The following ZC3H14 variants were observed in gnomAD, a reference collection of about 807,000 sequenced individuals.
ZC3H14 encodes zinc finger CCCH domain-containing protein 14.
ZC3H14 carries 31 observed loss-of-function variants against 92.4 expected under a neutral mutation model. The ratio of observed to expected loss-of-function variants is 0.34; its 90% confidence interval spans 0.25 to 0.45. ZC3H14 has a LOEUF of 0.45. Ranked by LOEUF, ZC3H14 falls within the 20% of genes least tolerant of loss-of-function variation. ZC3H14 has a pLI of 1.00. For synonymous variants in ZC3H14, 321 were observed against 300.9 expected (o/e 1.07, Z -0.69); for missense variants, 781 against 897.3 (o/e 0.87, Z 1.66).
Position 88,621,044 on chromosome 14 carries a change from G to T in ZC3H14, c.*9293G>T. ...AATTCTGGCAGTTCTTTAAGTACTA[G>T]CAATTTAGAACTTCCAACTTTTCTT... On this transcript the variant is annotated 3_prime_UTR_variant, in exon 17 of 17. Coordinates refer to ENST00000251038, the MANE Select transcript of ZC3H14 (RefSeq NM_024824.5). 6.6e-7 allele frequency: 1 copy of T among 1,505,770 alleles called. No homozygotes were observed. Among genetic ancestry groups the T allele is most frequent in the Non-Finnish European group, 8.9e-7 (1 of 1,126,838 alleles). 93.3% of individuals were successfully genotyped at this position (1,505,770 alleles called of 1,614,324 possible).
At chr14:88,571,189 A>T in intron 4 of ZC3H14, 65 bp downstream of exon 4, 1 of 1,421,728 alleles carries the variant, frequency 7.0e-7, no homozygotes, top group African/African-American at 1.4e-5. Flanking sequence ...TTCTTTCTAA[A>T]GTCATAGTGC....
In ZC3H14 at chr14:88,583,820, A is replaced by G. The variant is rs575100885; in HGVS notation, c.1279+5680A>G. Among the ~76,000 whole-genome samples the G allele has an allele frequency of 2.6e-5, 4 of 152,362 alleles. No homozygotes were observed. In the South Asian group the frequency reaches 6.2e-4, roughly 24 times the overall value. ...GGAATTTTACATTTATTCAGTAGAT[A>G]AAGCTCTACTGTTAACATTATTCAA... On this transcript the variant is annotated intron_variant, in intron 9 of 16. Coordinates refer to ENST00000251038, the MANE Select transcript of ZC3H14 (RefSeq NM_024824.5).
At chr14:88,563,553 G>C in intron 1 of ZC3H14, 98 bp from the exon 2 acceptor site, 1 of 1,588,024 alleles carries the variant, frequency 6.3e-7, no homozygotes, top group South Asian at 1.1e-5. Context: ...GGGATCCGAG[G>C]TGCGCGCACC....
At chr14:88,595,204 A>G in intron 9 of ZC3H14, 1 of 1,555,588 alleles carries the variant, frequency 6.4e-7, no homozygotes, top group African/African-American at 1.4e-5. Context: ...TGGAGGGAGC[A>G]AGTTACAGAG....
At chr14:88,611,434 T>C (rs2086729064) in intron 16 of ZC3H14, among the ~76,000 whole-genome samples, 1 of 152,186 alleles carries the variant, frequency 6.6e-6, no homozygotes, top group Non-Finnish European at 1.5e-5. Context: ...AAACATATAC[T>C]AAGGCCAGCA....
intron 9 of ZC3H14, among the ~76,000 whole-genome samples, chr14:88,586,113 G>A (rs10139569): frequency 0.97 from 148,262 of 152,332 alleles, 72,279 homozygotes; most frequent in Middle Eastern, 1. Flanking sequence ...GGTTGCAGTG[G>A]GCTGAGATTG....
chr14:88,627,285 T>C lies in ZC3H14; in HGVS notation c.*15534T>C. 5.5e-6 allele frequency: 3 copies of C among 543,744 alleles called. No homozygotes were observed. In the South Asian group the frequency reaches 7.4e-5, roughly 13 times the overall value. The allele number at this position is 543,744 out of a possible 1,614,324, so 33.7% of individuals were successfully genotyped here. On this transcript the variant is annotated 3_prime_UTR_variant, in exon 17 of 17. Transcript: ENST00000251038. ...CGTAAATGTTTTGTCTAAAGTGTGG[T>C]AGGTAATATTATCCTGCTGATCTGC...
intron 9 of ZC3H14, among the ~76,000 whole-genome samples, chr14:88,584,721 A>T (rs539797755): frequency 9.2e-5 from 14 of 152,312 alleles, no homozygotes; most frequent in South Asian, 2.1e-4. Flanking sequence ...GTGATCTCGC[A>T]GTTCTTGCAT....
At chr14:88,594,507 T>C in intron 9 of ZC3H14, 1 of 1,393,370 alleles carries the variant, frequency 7.2e-7, no homozygotes, top group Non-Finnish European at 9.3e-7. Context: ...ACGTTTAGCT[T>C]TTTCACATTT....
chr14:88,591,599 GTCAAGGGGAGATTTTACAT>G (rs1193927196), intron 9 of ZC3H14: 1 of 152,144 alleles, frequency 6.6e-6, no homozygotes, highest in East Asian at 1.9e-4. Flanking sequence ...AAGATTCTTA[GTCAAGGGGAGATTTTACAT>G]TCAAAGAAAA....
At chr14:88,609,886 C>A in intron 15 of ZC3H14, 83 bp downstream of exon 15, 1 of 1,433,118 alleles carries the variant, frequency 7.0e-7, no homozygotes. Context: ...AGAGTTACTA[C>A]ATTGGTGCAA....
intron 12 of ZC3H14, among the ~76,000 whole-genome samples, chr14:88,604,743 C>T (rs985077548): frequency 3.3e-5 from 5 of 152,012 alleles, no homozygotes; most frequent in Non-Finnish European, 4.4e-5. Context: ...TACAGGCATG[C>T]ACCATCACAC....
chr14:88,572,047 T>G lies in ZC3H14; in HGVS notation c.253T>G (p.Ser85Ala). ...CTTTTCAGAACCCTCTAGTCTGAAG[T>G]CTTCTGATACCAACATCTTTGATAG... ...SVTTEPSSLK[S>A]SDTNIFDSNV... Residue 85 changes from serine (S) to alanine (A), a missense_variant, in exon 5 of 17, where the codon TCT (serine) becomes GCT (alanine). Physicochemically the swap from Ser to Ala is moderately conservative, Grantham distance 99 (BLOSUM62 1). This residue lies in a region of ZC3H14 where 106 missense variants were observed against 154.2 expected (regional missense o/e 0.69). Transcript: ENST00000251038. The G allele has an allele frequency of 6.2e-7, 1 of 1,613,922 alleles. No individual in the cohort carries two copies. Among genetic ancestry groups the G allele is most frequent in the Non-Finnish European group, 8.5e-7 (1 of 1,180,010 alleles).
chr14:88,571,205 G>A, intron 4 of ZC3H14, 81 bp downstream of exon 4: 1 of 1,269,642 alleles, frequency 7.9e-7, no homozygotes, highest in Admixed American at 2.3e-5. Flanking sequence ...AGTGCTTTGG[G>A]AAAAACCCAT....
intron 9 of ZC3H14, chr14:88,594,836 A>G (rs989831012): frequency 6.2e-7 from 1 of 1,614,146 alleles, no homozygotes; most frequent in South Asian, 1.1e-5. Context: ...AATGAGCTAG[A>G]CAATATTTCC....
intron 9 of ZC3H14, chr14:88,589,819 GC>G (rs1384690941): frequency 3.9e-5 from 6 of 152,200 alleles, no homozygotes; most frequent in Non-Finnish European, 7.3e-5. Flanking sequence ...TATCACTTCT[GC>G]CTCTACCACC....
At chr14:88,580,726 G>A (rs914037654) in intron 9 of ZC3H14, among the ~76,000 whole-genome samples, 3 of 152,050 alleles carry the variant, frequency 2.0e-5, no homozygotes, top group African/African-American at 2.4e-5. Flanking sequence ...CTGAAAAATT[G>A]TACAGTATAC....
chr14:88,567,350 T>C (rs1294992540), intron 2 of ZC3H14, among the ~76,000 whole-genome samples: 3 of 151,424 alleles, frequency 2.0e-5, no homozygotes, highest in Non-Finnish European at 4.4e-5. Flanking sequence ...CTCCTAACCT[T>C]GTGATCTGCC....
In ZC3H14 at chr14:88,618,950, G is replaced by T; in HGVS notation, c.*7199G>T. 1.4e-6 allele frequency: 1 copy of T among 727,504 alleles called. No homozygotes were observed. Among genetic ancestry groups the T allele is most frequent in the Non-Finnish European group, 2.1e-6 (1 of 466,170 alleles). 45.1% of individuals were successfully genotyped at this position (727,504 alleles called of 1,614,324 possible). ...ATAGATTTACCTGTCAGACACAACT[G>T]ATCATGTATACTGAGATTGTCTGGG... On this transcript the variant is annotated 3_prime_UTR_variant, in exon 17 of 17. Transcript: ENST00000251038.
Sources: gnomAD v4.1 joint callset for allele counts (sites outside exome capture counted in the v4.1 genomes callset) on GRCh38, gnomAD v4.1.1 for gene constraint, gnomAD v4.1.1 regional missense constraint, MANE v1.5 for transcripts, NCBI Gene and HGNC (gene_info 2026-07-23, HGNC 2026-07-21) for gene names.